Variants in SGK3 observed in about 807,000 individuals in gnomAD.
SGK3 encodes the protein serine/threonine-protein kinase Sgk3.
SGK3 carries 47 observed loss-of-function variants against 68.5 expected under a neutral mutation model. That is an observed-to-expected ratio of 0.69 (90% CI 0.54 to 0.87). The LOEUF (loss-of-function observed/expected upper bound fraction) is 0.87, where lower values mean the gene tolerates loss of function less well. SGK3 is among the 40% of genes least tolerant of loss of function. The pLI, the probability that SGK3 is intolerant of heterozygous loss-of-function variation, is 0.00. For missense variants in SGK3, 479 were observed against 575.5 expected, an observed-to-expected ratio of 0.83 and a Z score of 1.72; for synonymous variants, 181 against 189.1, an observed-to-expected ratio of 0.96 and a Z score of 0.35.
intron 1 of SGK3, among the ~76,000 whole-genome samples, chr8:66,733,292 G>A (rs918021841): frequency 6.6e-6 from 1 of 152,168 alleles, no homozygotes; most frequent in East Asian, 1.9e-4. Context: ...CTACTTCTGG[G>A]AGGGAAATTT....
At chr8:66,717,634 G>T (rs78300139) in intron 1 of SGK3, among the ~76,000 whole-genome samples, 21,112 of 152,136 alleles carry the variant, frequency 0.14, 2,876 homozygotes, top group African/African-American at 0.35. Context: ...CGTATTCAAG[G>T]ACAGTGGTGC....
intron 1 of SGK3, among the ~76,000 whole-genome samples, chr8:66,787,217 C>T (rs145056705): frequency 0.033 from 5,002 of 152,152 alleles, 295 homozygotes; most frequent in African/African-American, 0.11. Flanking sequence ...GCTGGGATTA[C>T]AGGCGTGAAC....
intron 1 of SGK3, among the ~76,000 whole-genome samples, chr8:66,759,198 G>C (rs1375660869): frequency 6.7e-6 from 1 of 150,032 alleles, no homozygotes; most frequent in East Asian, 2.0e-4. Context: ...TGATTCTCCT[G>C]CCTCAGCCTC....
chr8:66,725,360 C>T (rs1195557845), intron 1 of SGK3, among the ~76,000 whole-genome samples: 1 of 151,690 alleles, frequency 6.6e-6, no homozygotes, highest in Non-Finnish European at 1.5e-5. Context: ...CGAGATGGTG[C>T]CACTGCACCC....
In SGK3 at chr8:66,840,106, T is replaced by C. The variant is rs1313011010; in HGVS notation, c.845T>C (p.Ile282Thr). Residue 282 changes from isoleucine to threonine, a missense_variant, in exon 11 of 17, where the codon ATA becomes ACA. Physicochemically the swap from Ile to Thr is moderately conservative, Grantham distance 89. Coordinates refer to ENST00000521198, the MANE Select transcript of SGK3 (RefSeq NM_001033578.3). ...SALGYLHSIK[I>T]VYRDLKPENI... ...TTGGGTTACTTACATTCCATCAAAA[T>C]AGTATACAGGTACAATTTTAAAATA... 1 of 1,613,860 alleles carries C rather than the reference T, an allele frequency of 6.2e-7. No homozygotes were observed.
intron 5 of SGK3, among the ~76,000 whole-genome samples, chr8:66,820,823 C>T (rs918627085): frequency 2.6e-5 from 4 of 152,120 alleles, no homozygotes; most frequent in African/African-American, 7.2e-5. Flanking sequence ...CCTGCCTCAG[C>T]GTTCTGAGTA....
intron 1 of SGK3, among the ~76,000 whole-genome samples, chr8:66,765,541 T>C (rs1806289063): frequency 6.6e-6 from 1 of 152,124 alleles, no homozygotes; most frequent in African/African-American, 2.4e-5. Flanking sequence ...GAGTTGAAAG[T>C]TGAGGTCATT....
intron 1 of SGK3, among the ~76,000 whole-genome samples, chr8:66,774,040 A>C (rs947529771): frequency 2.0e-5 from 3 of 152,148 alleles, no homozygotes; most frequent in Non-Finnish European, 4.4e-5. Context: ...GTGGCTCCTG[A>C]CTAGACAATA....
At chr8:66,720,029 C>T (rs1192953689) in intron 1 of SGK3, among the ~76,000 whole-genome samples, 2 of 152,194 alleles carry the variant, frequency 1.3e-5, no homozygotes, top group African/African-American at 4.8e-5. Context: ...CACCTTTGAA[C>T]CAGTTATTTT....
At chr8:66,819,963 G>A (rs959688613) in intron 5 of SGK3, among the ~76,000 whole-genome samples, 2 of 151,912 alleles carry the variant, frequency 1.3e-5, no homozygotes, top group Admixed American at 6.6e-5. Context: ...GACTACAGGT[G>A]CGTGCCACCA....
chr8:66,811,998 G>A (rs566901496), intron 4 of SGK3, among the ~76,000 whole-genome samples: 5 of 152,232 alleles, frequency 3.3e-5, no homozygotes, highest in African/African-American at 1.2e-4. Flanking sequence ...CCAAGTACAT[G>A]CTTCTGGCTC....
chr8:66,848,067 AATTTT>A (rs1810108022), intron 15 of SGK3, among the ~76,000 whole-genome samples: 1 of 152,122 alleles, frequency 6.6e-6, no homozygotes, highest in African/African-American at 2.4e-5. Flanking sequence ...GCTGCTTATC[AATTTT>A]GAACTTGAGC....
At chr8:66,767,202 T>G (rs891148728) in intron 1 of SGK3, among the ~76,000 whole-genome samples, 5 of 152,254 alleles carry the variant, frequency 3.3e-5, no homozygotes, top group Non-Finnish European at 7.3e-5. Context: ...ATTTCATTTT[T>G]CTTCATTTTC....
chr8:66,791,793 C>T (rs1169300379), intron 1 of SGK3, among the ~76,000 whole-genome samples: 1 of 152,124 alleles, frequency 6.6e-6, no homozygotes, highest in Non-Finnish European at 1.5e-5. Flanking sequence ...TTCTGAGGTT[C>T]CAGGACAGGG....
intron 4 of SGK3, among the ~76,000 whole-genome samples, chr8:66,808,195 T>C (rs1808241285): frequency 6.6e-6 from 1 of 152,182 alleles, no homozygotes; most frequent in Non-Finnish European, 1.5e-5. Context: ...TTTGGAACCA[T>C]GTACTATTTT....
At chr8:66,731,168 G>A (rs999334058) in intron 1 of SGK3, among the ~76,000 whole-genome samples, 1 of 152,144 alleles carries the variant, frequency 6.6e-6, no homozygotes, top group Non-Finnish European at 1.5e-5. Context: ...TTAATTTAAT[G>A]AGGACTTCTG....
Position 66,793,774 on chromosome 8 carries a change from G to A in SGK3, c.38G>A (p.Cys13Tyr), listed in dbSNP as rs1374592433. 1.2e-6 allele frequency: 2 copies of A among 1,613,434 alleles called. No homozygotes were observed. Among genetic ancestry groups the A allele is most frequent in the Non-Finnish European group, 1.7e-6 (2 of 1,179,596 alleles). The part of the protein sequence containing the change: ...RDHTMDYKES[C>Y]PSVSIPSSDE... ...CACACCATGGACTACAAGGAAAGCT[G>A]CCCAAGTGTAAGCATTCCCAGCTCC... The change falls in exon 2 of 17, where the codon TGC (cysteine) becomes TAC (tyrosine). Residue 13 changes from cysteine to tyrosine, a missense_variant. Cys to Tyr is a radical substitution (Grantham distance 194, BLOSUM62 -2). Around this residue, in one of 3 missense-constraint regions of SGK3, gnomAD observed 298 missense variants for 329.4 expected, o/e 0.90. Coordinates refer to ENST00000521198, the MANE Select transcript of SGK3 (RefSeq NM_001033578.3).
At chr8:66,825,584 G>A (rs1477261692) in intron 6 of SGK3, among the ~76,000 whole-genome samples, 3 of 152,002 alleles carry the variant, frequency 2.0e-5, no homozygotes, top group Non-Finnish European at 2.9e-5. Context: ...TGGGATTACC[G>A]GCATGAGCCA....
At chr8:66,744,534 T>G (rs1406825761) in intron 1 of SGK3, among the ~76,000 whole-genome samples, 10 of 124,098 alleles carry the variant, frequency 8.1e-5, no homozygotes, top group African/African-American at 2.9e-4. Context: ...TTTTTTTTTT[T>G]TTTTTTTTTT....
Sources: gnomAD v4.1 joint callset for allele counts (sites outside exome capture counted in the v4.1 genomes callset) on GRCh38, gnomAD v4.1.1 for gene constraint, gnomAD v4.1.1 regional missense constraint, MANE v1.5 for transcripts, NCBI Gene and HGNC (gene_info 2026-07-23, HGNC 2026-07-21) for gene names.